Variants in MTUS2 observed in about 807,000 individuals in gnomAD.
MTUS2 encodes microtubule associated scaffold protein 2, also known as microtubule-associated tumor suppressor candidate 2.
Under a neutral mutation model 114.1 loss-of-function variants are expected in MTUS2, and 40 were observed. The observed-to-expected ratio is 0.35, with a 90% confidence interval of 0.27 to 0.46. MTUS2 has a LOEUF of 0.46. Ranked by LOEUF, MTUS2 falls within the 20% of genes least tolerant of loss-of-function variation. The probability of loss-of-function intolerance (pLI) is 1.00; values close to 1 mark genes in which losing one functional copy is unlikely to be tolerated. For synonymous variants in MTUS2, 688 were observed against 672.0 expected (o/e 1.02, Z -0.37); for missense variants, 1,679 against 1,705.4 (o/e 0.98, Z 0.27).
intron 8 of MTUS2, among the ~76,000 whole-genome samples, chr13:29,430,030 T>C (rs1220842125): frequency 2.0e-5 from 3 of 152,232 alleles, no homozygotes; most frequent in South Asian, 4.1e-4. Context: ...AACTAAAATA[T>C]TTATATACAC....
intron 6 of MTUS2, among the ~76,000 whole-genome samples, chr13:29,300,119 C>T (rs959903524): frequency 6.6e-6 from 1 of 152,112 alleles, no homozygotes; most frequent in Non-Finnish European, 1.5e-5. Flanking sequence ...CTTTTAAATG[C>T]TTTCATCAAA....
chr13:29,326,549 A>G (rs1332066370), intron 7 of MTUS2, among the ~76,000 whole-genome samples: 1 of 152,204 alleles, frequency 6.6e-6, no homozygotes. Flanking sequence ...ATCAATATAA[A>G]GGAAGGAAAA....
rs763155030 is a variant in MTUS2, at chr13:29,205,880, G to T, written c.2645-75824G>T. Among the ~76,000 whole-genome samples, 45 of 152,184 alleles carry T rather than the reference G, an allele frequency of 3.0e-4. 1 individual carries two copies. Among genetic ancestry groups the T allele is most frequent in the Admixed American group, 2.0e-4 (3 of 15,278 alleles). On this transcript the variant is annotated intron_variant, in intron 5 of 15. Coordinates refer to ENST00000612955, the MANE Select transcript of MTUS2 (RefSeq NM_001033602.4). Reference sequence around the variant, plus strand: ...TGCTGTCATAAACATGTGTGTTCAAGTATCTTTTTCATATAATGATTTGTT... The same window carrying T: ...TGCTGTCATAAACATGTGTGTTCAATTATCTTTTTCATATAATGATTTGTT...
chr13:28,971,313 A>G lies in MTUS2; in HGVS notation c.-242-53144A>G, dbSNP rs564002712. Among the ~76,000 whole-genome samples, 42 of 152,358 alleles carry G rather than the reference A, an allele frequency of 2.8e-4. No individual in the cohort carries two copies. The South Asian group carries it at 8.5e-3, about 31-fold the overall frequency. On this transcript the variant is annotated intron_variant, in intron 2 of 15. Transcript: ENST00000612955. ...ATATGGTTGGGGGCCACTGAAACAC[A>G]GCAAAATGAGCTGTTTCACAAGGAA...
At chr13:28,969,657 A>G (rs139431341) in intron 2 of MTUS2, among the ~76,000 whole-genome samples, 238 of 151,100 alleles carry the variant, frequency 1.6e-3, no homozygotes, top group African/African-American at 5.5e-3. Flanking sequence ...TACGTGCAGC[A>G]CCACGCCCAG....
chr13:29,056,067 T>C (rs1346544369), intron 4 of MTUS2, among the ~76,000 whole-genome samples: 1 of 152,202 alleles, frequency 6.6e-6, no homozygotes, highest in Non-Finnish European at 1.5e-5. Flanking sequence ...TTTAATTAAG[T>C]CCCATTTATC....
chr13:28,923,290 C>T (rs1479836041), intron 2 of MTUS2, among the ~76,000 whole-genome samples: 2 of 152,176 alleles, frequency 1.3e-5, no homozygotes, highest in Non-Finnish European at 2.9e-5. Context: ...GTTGTCTTTT[C>T]TCATTCAAGA....
intron 9 of MTUS2, among the ~76,000 whole-genome samples, chr13:29,449,874 C>T (rs1878565284): frequency 6.6e-6 from 1 of 152,170 alleles, no homozygotes; most frequent in African/African-American, 2.4e-5. Context: ...TAACAAAATC[C>T]CGAAACAATG....
chr13:29,246,103 T>TCTTTAAATACTTG (rs1166138977), intron 5 of MTUS2, among the ~76,000 whole-genome samples: 5 of 152,222 alleles, frequency 3.3e-5, no homozygotes, highest in African/African-American at 1.2e-4. Flanking sequence ...TGTATTTAAG[T>TCTTTAAATACTTG]CTTTAAAAAG....
chr13:29,156,568 G>T (rs773396885), intron 5 of MTUS2, among the ~76,000 whole-genome samples: 2 of 152,032 alleles, frequency 1.3e-5, no homozygotes, highest in Non-Finnish European at 2.9e-5. Flanking sequence ...CCTCCTACTT[G>T]CTGTGTGATC....
intron 5 of MTUS2, among the ~76,000 whole-genome samples, chr13:29,189,933 A>G (rs1469351733): frequency 3.3e-5 from 5 of 152,226 alleles, no homozygotes; most frequent in African/African-American, 1.2e-4. Context: ...TTAGGAGATC[A>G]TGAGGGTAGA....
chr13:29,369,401 A>G (rs1417960188), intron 8 of MTUS2, among the ~76,000 whole-genome samples: 3 of 152,180 alleles, frequency 2.0e-5, no homozygotes, highest in Non-Finnish European at 4.4e-5. Context: ...TTTTACAGAA[A>G]GCAAATGCCG....
intron 2 of MTUS2, among the ~76,000 whole-genome samples, chr13:29,019,244 T>G (rs1886195398): frequency 6.6e-6 from 1 of 152,116 alleles, no homozygotes; most frequent in South Asian, 2.1e-4. Context: ...GAGGGGTGCC[T>G]GAGGAGTGCT....
intron 5 of MTUS2, among the ~76,000 whole-genome samples, chr13:29,141,498 T>A (rs1892218333): frequency 6.6e-6 from 1 of 152,142 alleles, no homozygotes. Context: ...CAGAAGCACA[T>A]AGGAGCCCCA....
At chr13:29,441,550 T>TGTGGCCAC (rs1161594110) in intron 9 of MTUS2, among the ~76,000 whole-genome samples, 1 of 151,634 alleles carries the variant, frequency 6.6e-6, no homozygotes, top group African/African-American at 2.4e-5. Context: ...TCTTCACCAA[T>TGTGGCCAC]GTGGCCACGC....
intron 5 of MTUS2, among the ~76,000 whole-genome samples, chr13:29,225,134 G>T (rs925703739): frequency 6.6e-6 from 1 of 152,226 alleles, no homozygotes; most frequent in Non-Finnish European, 1.5e-5. Context: ...AGCACACCCA[G>T]TTCCTGCCTC....
chr13:29,368,087 T>G (rs562695558), intron 8 of MTUS2, among the ~76,000 whole-genome samples: 3 of 151,942 alleles, frequency 2.0e-5, no homozygotes, highest in African/African-American at 4.8e-5. Flanking sequence ...TACAGGTGCC[T>G]GCCACCGCAC....
chr13:28,933,094 A>G (rs1881702210), intron 2 of MTUS2, among the ~76,000 whole-genome samples: 1 of 148,860 alleles, frequency 6.7e-6, no homozygotes, highest in Non-Finnish European at 1.5e-5. Context: ...TGTATATATT[A>G]GTGTAGGTTC....
intron 2 of MTUS2, among the ~76,000 whole-genome samples, chr13:28,953,216 T>C (rs1331770809): frequency 1.3e-5 from 2 of 151,666 alleles, no homozygotes; most frequent in African/African-American, 2.4e-5. Flanking sequence ...TTCTATCAAC[T>C]AAGAGCTCTA....
Sources: gnomAD v4.1 joint callset for allele counts (sites outside exome capture counted in the v4.1 genomes callset) on GRCh38, gnomAD v4.1.1 for gene constraint, MANE v1.5 for transcripts, NCBI Gene and HGNC (gene_info 2026-07-23, HGNC 2026-07-21) for gene names.